The following TLR6 variants were observed in gnomAD, a reference collection of about 807,000 sequenced individuals.
TLR6 encodes toll like receptor 6.
In TLR6, 9 loss-of-function variants were observed where a neutral mutation model predicts 16.1. That is an observed-to-expected ratio of 0.56 (90% CI 0.34 to 0.98). TLR6 has a LOEUF of 0.98. Among genes scored for constraint, TLR6 ranks in the 50% least tolerant of loss-of-function variants. TLR6 has a pLI of 0.02. For synonymous variants in TLR6, 340 were observed against 338.6 expected, an observed-to-expected ratio of 1.00 and a Z score of -0.04; for missense variants, 786 against 921.0, an observed-to-expected ratio of 0.85 and a Z score of 1.90.
chr4:38,828,211 T>C (rs3775073), exon 2 of TLR6: 572,914 of 1,613,206 alleles, frequency 0.36, 106,819 homozygotes, highest in African/African-American at 0.67. Context: ...TGCAGTTTTC[T>C]TTATGTCTAC....
chr4:38,823,879 C>G (rs955841737), exon 2 of TLR6: 3 of 152,356 alleles, frequency 2.0e-5, no homozygotes, highest in African/African-American at 7.2e-5. Context: ...GCTCACCCAG[C>G]CTCCGAAAGG....
chr4:38,867,523 A>G, the TLR6 span, among the ~76,000 whole-genome samples: 1 of 151,696 alleles, frequency 6.6e-6, no homozygotes, highest in Admixed American at 6.6e-5. Flanking sequence ...AAGCCCTTTT[A>G]AGGAAAGGAA....
At chr4:38,857,139 T>C (rs17429245), upstream of TLR6, among the ~76,000 whole-genome samples, 32,455 of 152,218 alleles carry the variant, frequency 0.21, 4,189 homozygotes, top group Non-Finnish European at 0.28. Flanking sequence ...GCCTGTTTTC[T>C]ATTATCACCA....
Position 38,849,539 on chromosome 4 carries a change from C to T in TLR6, c.-65+7222G>A, listed in dbSNP as rs567464328. On this transcript the variant is annotated intron_variant, in intron 1 of 1. Transcript: ENST00000436693. The stretch of plus-strand genomic sequence containing the variant: ...TGCTGTATTCAGGAGACCCATCTCA[C>T]GTGCAGAGACACACATAGGCTCAAA... 6.6e-3 allele frequency among the ~76,000 whole-genome samples: 998 copies of T among 152,092 alleles called. 13 individuals carry two copies. The highest frequency in any genetic ancestry group is 0.022 in the African/African-American group (924 of 41,472).
chr4:38,847,836 C>G (rs1404185771), intron 1 of TLR6, among the ~76,000 whole-genome samples: 1 of 152,248 alleles, frequency 6.6e-6, no homozygotes, highest in Non-Finnish European at 1.5e-5. Context: ...CTGCCTGCCT[C>G]TGTAGACTCC....
exon 2 of TLR6, chr4:38,826,992 T>C: frequency 9.7e-7 from 1 of 1,033,600 alleles, no homozygotes; most frequent in South Asian, 1.8e-5. Context: ...ATGAGGATAA[T>C]GGAGGCACCT....
chr4:38,865,030 A>T, the TLR6 span, among the ~76,000 whole-genome samples: 49 of 152,244 alleles, frequency 3.2e-4, no homozygotes, highest in Middle Eastern at 3.4e-3. Context: ...AGAAAGAAAT[A>T]TGGGTGGGAG....
exon 2 of TLR6, chr4:38,825,305 C>T (rs1440676104): frequency 6.6e-6 from 1 of 152,188 alleles, no homozygotes; most frequent in Non-Finnish European, 1.5e-5. Flanking sequence ...AATTTAACAG[C>T]AATCTCACAC....
chr4:38,852,120 G>A (rs901332281), intron 1 of TLR6, among the ~76,000 whole-genome samples: 8 of 152,210 alleles, frequency 5.3e-5, no homozygotes, highest in African/African-American at 1.9e-4. Context: ...ACAAAAACAA[G>A]AAATAGGGAA....
chr4:38,859,567 T>C (rs1713152413), upstream of TLR6, among the ~76,000 whole-genome samples: 1 of 144,668 alleles, frequency 6.9e-6, no homozygotes, highest in Admixed American at 6.8e-5. Flanking sequence ...TTATTGGCCT[T>C]TTTTTTTTTT....
rs966716284 is a variant in TLR6, at chr4:38,838,758, C to T, written c.-64-9221G>A. Among the ~76,000 whole-genome samples the T allele has an allele frequency of 1.2e-4, 19 of 152,186 alleles. 1 individual carries two copies. In the Middle Eastern group the frequency reaches 0.01, roughly 82 times the overall value. ...AAGATCTGAAATGCTCCCCCACCCA[C>T]ACACAAAATGATGTATGTTTGAGAT... is the stretch of plus-strand genomic sequence containing the variant. On this transcript the variant is annotated intron_variant, in intron 1 of 1. Transcript: ENST00000436693.
At chr4:38,851,673 C>A (rs1712779051) in intron 1 of TLR6, among the ~76,000 whole-genome samples, 1 of 152,128 alleles carries the variant, frequency 6.6e-6, no homozygotes, top group Non-Finnish European at 1.5e-5. Flanking sequence ...AGGAATCCAA[C>A]TTACAAGGGA....
At chr4:38,827,052 T>A (rs555947603) in exon 2 of TLR6, 140 of 1,481,786 alleles carry the variant, frequency 9.4e-5, no homozygotes, top group Middle Eastern at 2.2e-4. Flanking sequence ...AAGTAAATAA[T>A]GGTTTCTTAA....
chr4:38,858,956 A>G (rs1560274828), upstream of TLR6, among the ~76,000 whole-genome samples: 4 of 152,360 alleles, frequency 2.6e-5, no homozygotes. Flanking sequence ...TATGACATCA[A>G]TTGTATAAAA....
At chr4:38,855,156 G>A (rs1177119542) in intron 1 of TLR6, among the ~76,000 whole-genome samples, 1 of 150,272 alleles carries the variant, frequency 6.7e-6, no homozygotes, top group East Asian at 1.9e-4. Flanking sequence ...AGCTTGCAGT[G>A]AGCCGAGATC....
intron 1 of TLR6, among the ~76,000 whole-genome samples, chr4:38,852,622 A>T (rs964389491): frequency 2.6e-5 from 4 of 152,152 alleles, no homozygotes; most frequent in Admixed American, 2.0e-4. Context: ...CAAAAGACAC[A>T]TGAAAAAATG....
At chr4:38,839,574 G>C (rs1173720525) in intron 1 of TLR6, among the ~76,000 whole-genome samples, 2 of 152,062 alleles carry the variant, frequency 1.3e-5, no homozygotes, top group African/African-American at 4.8e-5. Context: ...CACCAACTCA[G>C]CCATCTGCTG....
chr4:38,851,015 C>G (rs1250243430), intron 1 of TLR6, among the ~76,000 whole-genome samples: 1 of 152,118 alleles, frequency 6.6e-6, no homozygotes, highest in African/African-American at 2.4e-5. Context: ...AGCAGCACAT[C>G]AAAAAGCTTA....
At chr4:38,865,827 T>C in the TLR6 span, among the ~76,000 whole-genome samples, 2 of 152,240 alleles carry the variant, frequency 1.3e-5, no homozygotes, top group Non-Finnish European at 2.9e-5. Context: ...AAGATAACTT[T>C]CTGGTTTTTC....
Sources: gnomAD v4.1 joint callset for allele counts (sites outside exome capture counted in the v4.1 genomes callset) on GRCh38, gnomAD v4.1.1 for gene constraint, MANE v1.5 for transcripts, NCBI Gene and HGNC (gene_info 2026-07-23, HGNC 2026-07-21) for gene names.